RFTN2: variants seen among roughly 807,000 people sequenced by gnomAD.
RFTN2 encodes the protein raftlin family member 2.
Under a neutral mutation model 52.7 loss-of-function variants are expected in RFTN2, and 34 were observed. The observed-to-expected ratio is 0.64, with a 90% CI of 0.49 to 0.86. The LOEUF (loss-of-function observed/expected upper bound fraction) is 0.86. Among genes scored for constraint, RFTN2 ranks in the 40% least tolerant of loss-of-function variants. RFTN2 has a pLI of 0.00. For missense variants in RFTN2, 536 were observed against 600.1 expected (o/e 0.89, Z 1.12); for synonymous variants, 203 against 217.7 (o/e 0.93, Z 0.59).
At chr2:197,616,414 C>T (rs2088146514) in intron 6 of RFTN2, among the ~76,000 whole-genome samples, 1 of 151,894 alleles carries the variant, frequency 6.6e-6, no homozygotes, top group Non-Finnish European at 1.5e-5. Flanking sequence ...GCCTCTGCCG[C>T]CTGAGTAACT....
chr2:197,662,673 A>C (rs2088995288), intron 1 of RFTN2, among the ~76,000 whole-genome samples: 1 of 152,054 alleles, frequency 6.6e-6, no homozygotes. Flanking sequence ...GATTGAATGG[A>C]ATCTGTAGAT....
intron 1 of RFTN2, among the ~76,000 whole-genome samples, chr2:197,659,305 C>T (rs1276043613): frequency 6.6e-6 from 1 of 151,238 alleles, no homozygotes. Context: ...TCGAGACCAT[C>T]CTGGTCAACA....
intron 4 of RFTN2, 95 bp downstream of exon 4, chr2:197,633,623 G>T: frequency 1.1e-6 from 1 of 909,420 alleles, no homozygotes; most frequent in Non-Finnish European, 1.7e-6. Context: ...ATAATCTTTA[G>T]CAATTTACTT....
intron 2 of RFTN2, among the ~76,000 whole-genome samples, chr2:197,645,885 C>T (rs754732905): frequency 2.6e-5 from 4 of 151,970 alleles, no homozygotes; most frequent in Non-Finnish European, 4.4e-5. Flanking sequence ...AATTAGCTGG[C>T]TGTGGTGGCA....
chr2:197,577,275 A>T (rs1305349285), intron 8 of RFTN2, among the ~76,000 whole-genome samples: 1 of 152,174 alleles, frequency 6.6e-6, no homozygotes, highest in Non-Finnish European at 1.5e-5. Flanking sequence ...TTCTAAATTA[A>T]CTGAGACCTA....
chr2:197,663,233 T>C (rs1318148208), intron 1 of RFTN2, among the ~76,000 whole-genome samples: 1 of 152,134 alleles, frequency 6.6e-6, no homozygotes, highest in African/African-American at 2.4e-5. Context: ...TGCTATTGAG[T>C]TTGGTTTGCT....
rs74946548 is a variant in RFTN2 at position 197,645,567 on chromosome 2, A to G, written c.323+916T>C. 4.1e-3 allele frequency among the ~76,000 whole-genome samples: 623 copies of G among 152,382 alleles called. 1 individual carries two copies. Among genetic ancestry groups the G allele is most frequent in the African/African-American group, 0.014 (565 of 41,596 alleles). ...TTTTACCATGAAAACTATCAAATTT[A>G]CAATCTAGGCTGGCAAAAATGGTTG... On this transcript the variant is annotated intron_variant, in intron 2 of 8. Coordinates refer to ENST00000295049, the MANE Select transcript of RFTN2 (RefSeq NM_144629.3).
At chr2:197,610,282 T>A (rs1048546203) in intron 7 of RFTN2, among the ~76,000 whole-genome samples, 5 of 152,202 alleles carry the variant, frequency 3.3e-5, no homozygotes, top group Admixed American at 3.3e-4. Context: ...TGTGTCCTCT[T>A]TTATTTCCTT....
At chr2:197,576,382 A>G (rs912015302) in intron 8 of RFTN2, among the ~76,000 whole-genome samples, 13 of 152,206 alleles carry the variant, frequency 8.5e-5, no homozygotes, top group African/African-American at 2.9e-4. Context: ...ATATGATCAT[A>G]TCCTCCTAGG....
chr2:197,637,969 T>C (rs558792662), intron 3 of RFTN2, among the ~76,000 whole-genome samples: 4 of 150,914 alleles, frequency 2.7e-5, no homozygotes, highest in Admixed American at 2.6e-4. Flanking sequence ...AAAGAACATC[T>C]TTATTTCTGC....
At chr2:197,661,410 T>C (rs2088974949) in intron 1 of RFTN2, among the ~76,000 whole-genome samples, 1 of 151,908 alleles carries the variant, frequency 6.6e-6, no homozygotes, top group Non-Finnish European at 1.5e-5. Flanking sequence ...TTTAAATATA[T>C]ATATACATAT....
chr2:197,656,175 A>G (rs2088891987), intron 1 of RFTN2, among the ~76,000 whole-genome samples: 1 of 152,122 alleles, frequency 6.6e-6, no homozygotes, highest in African/African-American at 2.4e-5. Context: ...TCATCTGCAA[A>G]ATGGGAATAA....
chr2:197,661,129 A>G (rs1039602748), intron 1 of RFTN2, among the ~76,000 whole-genome samples: 10 of 152,278 alleles, frequency 6.6e-5, no homozygotes, highest in African/African-American at 2.4e-4. Context: ...TATATGAGTG[A>G]GAACATGCCA....
At chr2:197,586,359 C>T (rs1325064390) in intron 8 of RFTN2, among the ~76,000 whole-genome samples, 1 of 152,212 alleles carries the variant, frequency 6.6e-6, no homozygotes, top group Non-Finnish European at 1.5e-5. Flanking sequence ...AGCTGCCGCC[C>T]TAGCTGGATC....
intron 5 of RFTN2, 69 bp downstream of exon 5, chr2:197,630,932 GAGAGGTAAAA>G: frequency 2.2e-6 from 2 of 919,014 alleles, no homozygotes; most frequent in Non-Finnish European, 3.5e-6. Context: ...CATAGAACTT[GAGAGGTAAAA>G]ACATTTTCAC....
At position 197,568,518 on chromosome 2, in the gene RFTN2, T is replaced by C. The variant is rs1336925011; in HGVS notation, c.*3490A>G. Reference sequence around the variant, plus strand: ...GGGATGATAGATTACCAGCAAATGTTATTTAAATTGATATGTTACAAGTTC... The same window carrying C: ...GGGATGATAGATTACCAGCAAATGTCATTTAAATTGATATGTTACAAGTTC... On this transcript the variant is annotated 3_prime_UTR_variant, in exon 9 of 9. Transcript: ENST00000295049. 1 of 152,240 alleles carries C rather than the reference T, an allele frequency of 6.6e-6. No individual in the cohort carries two copies. Among genetic ancestry groups the C allele is most frequent in the Non-Finnish European group, 1.5e-5 (1 of 68,042 alleles). 9.4% of individuals were successfully genotyped at this position (152,240 alleles called of 1,614,324 possible).
chr2:197,579,396 A>T (rs1477392803), intron 8 of RFTN2, among the ~76,000 whole-genome samples: 1 of 152,154 alleles, frequency 6.6e-6, no homozygotes, highest in Non-Finnish European at 1.5e-5. Flanking sequence ...CTGTGTTCTC[A>T]AGAACTTAAA....
chr2:197,657,622 T>C (rs1419318354), intron 1 of RFTN2, among the ~76,000 whole-genome samples: 3 of 152,078 alleles, frequency 2.0e-5, no homozygotes, highest in Non-Finnish European at 4.4e-5. Flanking sequence ...ATTATGTTAT[T>C]TAAACATTTT....
chr2:197,568,572 A>G lies in RFTN2; in HGVS notation c.*3436T>C, dbSNP rs987107448. 1.3e-5 allele frequency: 2 copies of G among 152,234 alleles called. No homozygotes were observed. The highest frequency in any genetic ancestry group is 1.3e-4 in the Admixed American group (2 of 15,284). 9.4% of individuals were successfully genotyped at this position (152,234 alleles called of 1,614,324 possible). On this transcript the variant is annotated 3_prime_UTR_variant, in exon 9 of 9. Transcript: ENST00000295049. ...TGAGTAACATTTAGCTAGTTTTTCTATGTATCCACTAGTACATTTTTATAT... is the reference window on the plus strand; with the variant it reads ...TGAGTAACATTTAGCTAGTTTTTCTGTGTATCCACTAGTACATTTTTATAT...
Sources: allele counts gnomAD v4.1 joint callset (sites outside exome capture counted in the v4.1 genomes callset), GRCh38; gene constraint gnomAD v4.1.1; transcripts MANE v1.5; gene names NCBI Gene and HGNC (gene_info 2026-07-23, HGNC 2026-07-21).